CLIP2: variants seen among roughly 807,000 people sequenced by gnomAD.
CLIP2 encodes the protein CAP-Gly domain containing linker protein 2, also known as CAP-Gly domain-containing linker protein 2.
In CLIP2, 41 loss-of-function variants were observed where a neutral mutation model predicts 111.7. The observed-to-expected ratio is 0.37, with a 90% CI of 0.29 to 0.48. The LOEUF (loss-of-function observed/expected upper bound fraction) is 0.48. Among genes scored for constraint, CLIP2 ranks in the 20% least tolerant of loss-of-function variants. The probability of loss-of-function intolerance (pLI) is 0.99; values close to 1 mark genes in which losing one functional copy is unlikely to be tolerated. For missense variants in CLIP2, 1,160 were observed against 1,422.1 expected, an observed-to-expected ratio of 0.82 and a Z score of 2.96; for synonymous variants, 660 against 644.2, an observed-to-expected ratio of 1.02 and a Z score of -0.37.
intron 13 of CLIP2, among the ~76,000 whole-genome samples, chr7:74,395,803 C>A (rs2116703987): frequency 6.6e-6 from 1 of 151,808 alleles, no homozygotes; most frequent in East Asian, 1.9e-4. Context: ...ATTAAAGTAG[C>A]AGAGATTTCC....
At chr7:74,397,009 C>T in intron 13 of CLIP2, 65 bp from the exon 14 acceptor site, 1 of 1,574,116 alleles carries the variant, frequency 6.4e-7, no homozygotes, top group East Asian at 2.3e-5. Flanking sequence ...TGGCAAATTG[C>T]TAGAGTGTGG....
chr7:74,311,917 T>TAAAAAAA (rs1306557485), intron 1 of CLIP2, among the ~76,000 whole-genome samples: 1 of 49,710 alleles, frequency 2.0e-5, no homozygotes, highest in Non-Finnish European at 5.2e-5. Context: ...ATCTCAAGAA[T>TAAAAAAA]AAAAAAAAAA....
intron 1 of CLIP2, among the ~76,000 whole-genome samples, chr7:74,313,313 A>G (rs894209064): frequency 6.6e-6 from 1 of 151,968 alleles, no homozygotes; most frequent in South Asian, 2.1e-4. Flanking sequence ...TAATTCCAGC[A>G]CTTTGGGAGG....
Position 74,339,028 on chromosome 7 carries a change from C to T in CLIP2, c.678+24C>T, listed in dbSNP as rs782514725. On this transcript the variant is annotated intron_variant, in intron 3 of 16. Transcript: ENST00000223398. ...TGGTGAGTGCGGGCAGTACTGGGCT[C>T]TGGGCCCAGCTTCCCTTCCCTCCCC... 18 of 1,569,098 alleles carry T rather than the reference C, an allele frequency of 1.1e-5. No individual in the cohort carries two copies. The Admixed American group carries it at 2.2e-4, about 19-fold the overall frequency.
chr7:74,399,543 G>A (rs868930745), intron 14 of CLIP2, among the ~76,000 whole-genome samples: 1 of 21,058 alleles, frequency 4.7e-5, no homozygotes, highest in Non-Finnish European at 8.6e-5. Context: ...GTCTTTTTTT[G>A]GGGGGGGGGG....
At chr7:74,362,677 G>A (rs1479613808) in intron 7 of CLIP2, among the ~76,000 whole-genome samples, 2 of 151,906 alleles carry the variant, frequency 1.3e-5, no homozygotes, top group Middle Eastern at 6.4e-3. Flanking sequence ...TGGGACTACA[G>A]GTGCGCATCA....
chr7:74,325,645 A>G (rs140352267), intron 2 of CLIP2, among the ~76,000 whole-genome samples: 3,720 of 152,244 alleles, frequency 0.024, 54 homozygotes, highest in Non-Finnish European at 0.036. Flanking sequence ...CAGCCTGGCC[A>G]ACATGGTGAA....
chr7:74,361,459 C>T (rs1554309781), intron 7 of CLIP2, among the ~76,000 whole-genome samples: 1 of 151,842 alleles, frequency 6.6e-6, no homozygotes, highest in Admixed American at 6.6e-5. Context: ...TCAGGTGATC[C>T]ACCTGCCTCA....
chr7:74,393,329 A>G (rs542711543), intron 13 of CLIP2, among the ~76,000 whole-genome samples: 14 of 150,546 alleles, frequency 9.3e-5, no homozygotes, highest in African/African-American at 2.9e-4. Context: ...CACTGGGCCC[A>G]GCATTTGCAT....
intron 1 of CLIP2, among the ~76,000 whole-genome samples, chr7:74,306,677 G>T (rs111834475): frequency 6.6e-6 from 1 of 152,166 alleles, no homozygotes; most frequent in Non-Finnish European, 1.5e-5. Context: ...CACAAAAGGG[G>T]GACTGTTGGT....
At chr7:74,375,411 C>G (rs782319788) in intron 9 of CLIP2, among the ~76,000 whole-genome samples, 1 of 151,434 alleles carries the variant, frequency 6.6e-6, no homozygotes. Context: ...ATTCCCCAGG[C>G]GCATGGTGGT....
chr7:74,356,490 C>T lies in CLIP2; in HGVS notation c.884C>T (p.Pro295Leu). Residue 295 changes from proline (P) to leucine (L), a missense_variant, in exon 5 of 17, where the codon CCA becomes CTA. Pro to Leu is a moderately conservative substitution (Grantham distance 98). This residue lies in a region of CLIP2 where 110 missense variants were observed against 185.2 expected (regional missense o/e 0.59). Coordinates refer to ENST00000223398, the MANE Select transcript of CLIP2 (RefSeq NM_003388.5). ...CGTATCGGCTTCCCATCTACCAGCCCAGCCAAGGCCAAGAAGACCAAGCGT... is the reference window on the plus strand; with the variant it reads ...CGTATCGGCTTCCCATCTACCAGCCTAGCCAAGGCCAAGAAGACCAAGCGT... ...VIRIGFPSTSPAKAKKTKRMA... is the reference protein window; with the variant it reads ...VIRIGFPSTSLAKAKKTKRMA... 6.2e-7 allele frequency: 1 copy of T among 1,614,216 alleles called. No individual in the cohort carries two copies. Among genetic ancestry groups the T allele is most frequent in the East Asian group, 2.2e-5 (1 of 44,880 alleles).
intron 3 of CLIP2, among the ~76,000 whole-genome samples, chr7:74,349,263 T>C (rs558239281): frequency 1.9e-3 from 284 of 151,126 alleles, no homozygotes; most frequent in African/African-American, 6.6e-3. Flanking sequence ...AAACCCCGTC[T>C]CTACTAAAAA....
intron 7 of CLIP2, among the ~76,000 whole-genome samples, chr7:74,361,275 T>C (rs1281355830): frequency 6.8e-6 from 1 of 146,866 alleles, no homozygotes; most frequent in East Asian, 2.2e-4. Flanking sequence ...TGGAGTACAA[T>C]GGTGCGATCT....
intron 3 of CLIP2, among the ~76,000 whole-genome samples, chr7:74,350,644 T>G (rs1472619374): frequency 6.6e-6 from 1 of 151,670 alleles, no homozygotes; most frequent in African/African-American, 2.4e-5. Context: ...GAAGGAAGAT[T>G]GTTTGAGGCC....
chr7:74,325,715 C>A (rs1308106725), intron 2 of CLIP2, among the ~76,000 whole-genome samples: 2 of 151,356 alleles, frequency 1.3e-5, no homozygotes, highest in Non-Finnish European at 1.5e-5. Flanking sequence ...ATCTGTAATC[C>A]CAGGTACTTG....
intron 2 of CLIP2, among the ~76,000 whole-genome samples, chr7:74,326,096 C>T (rs915736579): frequency 1.3e-5 from 2 of 151,768 alleles, no homozygotes; most frequent in South Asian, 2.1e-4. Flanking sequence ...AAAAATTAGC[C>T]GGGCGCGACG....
At chr7:74,293,946 C>T (rs1163658041) in intron 1 of CLIP2, among the ~76,000 whole-genome samples, 9 of 150,024 alleles carry the variant, frequency 6.0e-5, no homozygotes, top group Admixed American at 1.3e-4. Context: ...GATGGAGTTT[C>T]GCTCTTGTTG....
At chr7:74,343,911 AAG>A (rs1226145613) in intron 3 of CLIP2, among the ~76,000 whole-genome samples, 142 of 151,552 alleles carry the variant, frequency 9.4e-4, no homozygotes, top group African/African-American at 3.0e-3. Context: ...TTAAAAAAAA[AAG>A]AGAGAGAGAG....
Sources: gnomAD v4.1 joint callset for allele counts (sites outside exome capture counted in the v4.1 genomes callset) on GRCh38, gnomAD v4.1.1 for gene constraint, gnomAD v4.1.1 regional missense constraint, MANE v1.5 for transcripts, NCBI Gene and HGNC (gene_info 2026-07-23, HGNC 2026-07-21) for gene names.